Variants in SLC44A3 observed in about 807,000 individuals in gnomAD.
SLC44A3 encodes the protein solute carrier family 44 member 3, also known as choline transporter-like protein 3.
In SLC44A3, 74 loss-of-function variants were observed where a neutral mutation model predicts 75.4. The ratio of observed to expected loss-of-function variants is 0.98; its 90% confidence interval spans 0.81 to 1.19. The LOEUF (loss-of-function observed/expected upper bound fraction) is 1.19, where lower values mean the gene tolerates loss of function less well. SLC44A3 is among the 50% of genes most tolerant of loss of function. The pLI is 0.00. For missense variants in SLC44A3, 700 were observed against 778.6 expected (o/e 0.90, Z 1.20); for synonymous variants, 310 against 296.9 (o/e 1.04, Z -0.45).
intron 2 of SLC44A3, among the ~76,000 whole-genome samples, chr1:94,823,050 G>A (rs573584576): frequency 6.6e-6 from 1 of 152,138 alleles, no homozygotes; most frequent in East Asian, 1.9e-4. Context: ...AGGGACTCAG[G>A]AATCCTCAGA....
rs536717663 is a variant in SLC44A3, at chr1:94,862,187, A to G, written c.1239-2556A>G. 2.6e-5 allele frequency among the ~76,000 whole-genome samples: 4 copies of G among 152,356 alleles called. No homozygotes were observed. The East Asian group carries it at 7.7e-4, about 29-fold the overall frequency. ...CCCATCTTGCAGTGATTTTGTTGTA[A>G]GAAATACTGGAAGAGACATGGTCTC... On this transcript the variant is annotated intron_variant, in intron 10 of 14. Coordinates refer to ENST00000271227, the MANE Select transcript of SLC44A3 (RefSeq NM_001114106.3).
intron 11 of SLC44A3, among the ~76,000 whole-genome samples, chr1:94,866,199 C>T (rs961827132): frequency 5.9e-5 from 9 of 152,060 alleles, no homozygotes; most frequent in African/African-American, 2.2e-4. Context: ...TGTGTGTGTG[C>T]GCATTGGTAA....
chr1:94,854,706 A>C (rs890242326), intron 9 of SLC44A3, among the ~76,000 whole-genome samples: 1 of 151,886 alleles, frequency 6.6e-6, no homozygotes, highest in African/African-American at 2.4e-5. Flanking sequence ...TGTCTAAACC[A>C]ATGGTTCTCA....
intron 12 of SLC44A3, among the ~76,000 whole-genome samples, chr1:94,868,544 G>T (rs895030864): frequency 1.3e-5 from 2 of 152,098 alleles, no homozygotes; most frequent in Non-Finnish European, 2.9e-5. Context: ...TTTCAGAATG[G>T]GGGGGAACAT....
intron 9 of SLC44A3, among the ~76,000 whole-genome samples, chr1:94,852,256 G>A (rs1173346630): frequency 1.3e-5 from 2 of 152,134 alleles, no homozygotes; most frequent in African/African-American, 4.8e-5. Flanking sequence ...TAAGTGGCAT[G>A]GAGAAAAATT....
At chr1:94,855,791 C>T (rs1665799142) in intron 9 of SLC44A3, among the ~76,000 whole-genome samples, 1 of 152,200 alleles carries the variant, frequency 6.6e-6, no homozygotes, top group South Asian at 2.1e-4. Flanking sequence ...TATCTAAGGA[C>T]TCCTGAATGA....
At chr1:94,826,127 C>T (rs1661309239) in intron 3 of SLC44A3, among the ~76,000 whole-genome samples, 1 of 152,120 alleles carries the variant, frequency 6.6e-6, no homozygotes, top group African/African-American at 2.4e-5. Context: ...TGAAATAAAC[C>T]AGTCACAAAA....
intron 5 of SLC44A3, among the ~76,000 whole-genome samples, chr1:94,836,063 G>A (rs916453751): frequency 2.6e-5 from 4 of 152,242 alleles, no homozygotes; most frequent in African/African-American, 9.6e-5. Flanking sequence ...CGTGTTCTAT[G>A]TTGTGCTTCA....
chr1:94,862,864 TC>T (rs1365734562), intron 10 of SLC44A3, among the ~76,000 whole-genome samples: 1 of 152,128 alleles, frequency 6.6e-6, no homozygotes, highest in African/African-American at 2.4e-5. Context: ...TATGAATAAG[TC>T]CAGAGGTAAG....
At chr1:94,891,653 T>A (rs1274973921) in intron 13 of SLC44A3, among the ~76,000 whole-genome samples, 1 of 152,222 alleles carries the variant, frequency 6.6e-6, no homozygotes, top group Non-Finnish European at 1.5e-5. Context: ...CTGGGCACAG[T>A]GGCTCACATG....
chr1:94,877,884 G>A (rs756614632), intron 12 of SLC44A3, among the ~76,000 whole-genome samples: 1 of 152,138 alleles, frequency 6.6e-6, no homozygotes, highest in Non-Finnish European at 1.5e-5. Context: ...TGTGGGTGGA[G>A]AGGGGTGCTC....
chr1:94,843,897 G>A (rs1317740326), intron 8 of SLC44A3, among the ~76,000 whole-genome samples: 1 of 151,988 alleles, frequency 6.6e-6, no homozygotes, highest in African/African-American at 2.4e-5. Context: ...TGGTCAGGGA[G>A]GTTAAATGCA....
chr1:94,894,986 G>C lies in SLC44A3; in HGVS notation c.*64G>C. 3.9e-6 allele frequency: 5 copies of C among 1,281,636 alleles called. No homozygotes were observed. The highest frequency in any genetic ancestry group is 4.4e-6 in the Non-Finnish European group (4 of 915,790). 79.4% of individuals were successfully genotyped at this position (1,281,636 alleles called of 1,614,324 possible). On this transcript the variant is annotated 3_prime_UTR_variant, in exon 15 of 15. Coordinates refer to ENST00000271227, the MANE Select transcript of SLC44A3 (RefSeq NM_001114106.3). ...TCTAAGAGCCATTTACAGAATAGAA[G>C]ATGAGACCACTAGAGAAAAGTTAGT...
At chr1:94,863,058 C>T (rs1255379653) in intron 10 of SLC44A3, among the ~76,000 whole-genome samples, 1 of 152,092 alleles carries the variant, frequency 6.6e-6, no homozygotes, top group African/African-American at 2.4e-5. Context: ...AGACACACCA[C>T]TTCATTAGCC....
intron 12 of SLC44A3, among the ~76,000 whole-genome samples, chr1:94,887,005 G>A (rs1175621775): frequency 6.6e-6 from 1 of 151,934 alleles, no homozygotes; most frequent in Non-Finnish European, 1.5e-5. Flanking sequence ...AAAGCCGAAT[G>A]CCACTACCTC....
chr1:94,875,551 A>T (rs1344395865), intron 12 of SLC44A3, among the ~76,000 whole-genome samples: 1 of 152,108 alleles, frequency 6.6e-6, no homozygotes, highest in Non-Finnish European at 1.5e-5. Context: ...GTCACTTTAC[A>T]CAGTATGTCT....
intron 7 of SLC44A3, 127 bp from the exon 8 acceptor site, chr1:94,841,873 G>C: frequency 7.7e-7 from 1 of 1,295,762 alleles, no homozygotes; most frequent in South Asian, 1.6e-5. Flanking sequence ...GGGTATTTGG[G>C]ACCCACTGCC....
intron 9 of SLC44A3, among the ~76,000 whole-genome samples, chr1:94,849,864 T>C (rs859107): frequency 0.88 from 133,686 of 152,062 alleles, 58,839 homozygotes; most frequent in African/African-American, 0.9. Flanking sequence ...GATCCTCCCA[T>C]CTCAGCCTCC....
At chr1:94,831,948 C>T (rs539476324) in intron 5 of SLC44A3, among the ~76,000 whole-genome samples, 305 of 152,250 alleles carry the variant, frequency 2.0e-3, no homozygotes, top group Non-Finnish European at 2.0e-3. Context: ...GCGAGGCGGG[C>T]AGATCACCTG....
Sources: gnomAD v4.1 joint callset for allele counts (sites outside exome capture counted in the v4.1 genomes callset) on GRCh38, gnomAD v4.1.1 for gene constraint, MANE v1.5 for transcripts, NCBI Gene and HGNC (gene_info 2026-07-23, HGNC 2026-07-21) for gene names.